The following SORCS3 variants were observed in gnomAD, a reference collection of about 807,000 sequenced individuals.
SORCS3 encodes the protein sortilin related VPS10 domain containing receptor 3.
SORCS3 carries 57 observed loss-of-function variants against 146.3 expected under a neutral mutation model. That is an observed-to-expected ratio of 0.39 (90% CI 0.31 to 0.49). The LOEUF (loss-of-function observed/expected upper bound fraction) is 0.49. SORCS3 is among the 20% of genes least tolerant of loss of function. The probability of loss-of-function intolerance (pLI) is 0.92; values close to 1 mark genes in which losing one functional copy is unlikely to be tolerated. For missense variants in SORCS3, 1,341 were observed against 1,575.5 expected, an observed-to-expected ratio of 0.85 and a Z score of 2.52; for synonymous variants, 653 against 618.5, an observed-to-expected ratio of 1.06 and a Z score of -0.83.
At chr10:104,963,091 T>G (rs2054805512) in intron 3 of SORCS3, among the ~76,000 whole-genome samples, 1 of 152,246 alleles carries the variant, frequency 6.6e-6, no homozygotes, top group African/African-American at 2.4e-5. Context: ...TCATTATTTC[T>G]AATTTTGTAT....
At chr10:104,757,840 G>A (rs909934313) in intron 1 of SORCS3, among the ~76,000 whole-genome samples, 2 of 134,140 alleles carry the variant, frequency 1.5e-5, no homozygotes, top group African/African-American at 2.8e-5. Flanking sequence ...CTCTACTTGC[G>A]GTTCCCCACT....
intron 5 of SORCS3, among the ~76,000 whole-genome samples, chr10:105,065,883 G>A (rs1355946115): frequency 6.6e-6 from 1 of 152,146 alleles, no homozygotes; most frequent in African/African-American, 2.4e-5. Context: ...CCATCAAATT[G>A]CTCAAAAGCT....
In SORCS3 at chr10:105,214,424, A is replaced by T. The variant is rs771363261; in HGVS notation, c.2376-18A>T. Reference sequence around the variant, plus strand: ...ACACAATCAACACAAACCACTATCAATTGTCAATTCTACTTAGGTATCGGC... The same window carrying T: ...ACACAATCAACACAAACCACTATCATTTGTCAATTCTACTTAGGTATCGGC... On this transcript the variant is annotated intron_variant, in intron 17 of 26. Transcript: ENST00000369701. 1 of 1,613,808 alleles carries T rather than the reference A, an allele frequency of 6.2e-7. No homozygotes were observed. The highest frequency in any genetic ancestry group is 8.5e-7 in the Non-Finnish European group (1 of 1,179,776).
intron 1 of SORCS3, among the ~76,000 whole-genome samples, chr10:104,780,800 T>C (rs1589496712): frequency 1.3e-5 from 2 of 152,222 alleles, no homozygotes; most frequent in Non-Finnish European, 2.9e-5. Flanking sequence ...TTGTTTAGTG[T>C]CTGCCAGATG....
intron 1 of SORCS3, among the ~76,000 whole-genome samples, chr10:104,690,304 A>G (rs1387214210): frequency 6.6e-6 from 1 of 152,162 alleles, no homozygotes; most frequent in Admixed American, 6.5e-5. Flanking sequence ...TCAGTAACCC[A>G]TATTCTGCTG....
chr10:104,972,655 A>C (rs1338492570), intron 3 of SORCS3, among the ~76,000 whole-genome samples: 1 of 151,528 alleles, frequency 6.6e-6, no homozygotes, highest in Non-Finnish European at 1.5e-5. Flanking sequence ...AGAGAGAGAC[A>C]GAGAGAGAGA....
chr10:105,089,744 C>T (rs2055688393), intron 5 of SORCS3, 31 bp from the exon 6 acceptor site: 1 of 1,602,370 alleles, frequency 6.2e-7, no homozygotes, highest in South Asian at 1.1e-5. Flanking sequence ...GGTGTTGTCA[C>T]TGAGCTTCTG....
chr10:104,706,201 CTTTTTTTTTTTTTTTT>C (rs1162969172), intron 1 of SORCS3, among the ~76,000 whole-genome samples: 1 of 85,874 alleles, frequency 1.2e-5, no homozygotes, highest in Non-Finnish European at 2.1e-5. Flanking sequence ...TTTTCTTCTT[CTTTTTTTTTTTTTTTT>C]TTTTTTTTTG....
intron 1 of SORCS3, among the ~76,000 whole-genome samples, chr10:104,667,589 T>C (rs911830707): frequency 6.6e-6 from 1 of 152,188 alleles, no homozygotes; most frequent in Non-Finnish European, 1.5e-5. Flanking sequence ...TTTTCACAGT[T>C]AAAAAATATT....
chr10:104,676,977 T>C (rs934435051), intron 1 of SORCS3, among the ~76,000 whole-genome samples: 1 of 152,244 alleles, frequency 6.6e-6, no homozygotes, highest in African/African-American at 2.4e-5. Context: ...CATTACATAA[T>C]GCCAGTTCAC....
intron 13 of SORCS3, among the ~76,000 whole-genome samples, chr10:105,177,673 C>T (rs368000717): frequency 6.6e-6 from 1 of 152,052 alleles, no homozygotes; most frequent in African/African-American, 2.4e-5. Flanking sequence ...AGACAAACCC[C>T]CTCCCTTTCC....
chr10:105,054,905 C>T (rs937335683), intron 5 of SORCS3, among the ~76,000 whole-genome samples: 2 of 152,098 alleles, frequency 1.3e-5, no homozygotes, highest in Non-Finnish European at 2.9e-5. Flanking sequence ...GCTTATTTTA[C>T]TTATTGATTC....
chr10:104,703,062 A>G (rs2016299074), intron 1 of SORCS3, among the ~76,000 whole-genome samples: 1 of 152,254 alleles, frequency 6.6e-6, no homozygotes. Context: ...TCGATTGATT[A>G]TACAAGAAGT....
intron 1 of SORCS3, among the ~76,000 whole-genome samples, chr10:104,842,167 T>TC (rs2018148772): frequency 6.6e-6 from 1 of 152,204 alleles, no homozygotes; most frequent in Non-Finnish European, 1.5e-5. Context: ...AAGAAAGTGG[T>TC]CATGGAGTCC....
intron 3 of SORCS3, among the ~76,000 whole-genome samples, chr10:104,920,164 T>G (rs2019073163): frequency 1.3e-5 from 2 of 152,240 alleles, no homozygotes; most frequent in Admixed American, 1.3e-4. Flanking sequence ...CGTGGATTTT[T>G]GAGTTCATCT....
chr10:104,779,392 C>T (rs994452703), intron 1 of SORCS3, among the ~76,000 whole-genome samples: 1 of 152,158 alleles, frequency 6.6e-6, no homozygotes, highest in South Asian at 2.1e-4. Flanking sequence ...GGAAGTTGGA[C>T]ACCTACCACC....
In SORCS3 at chr10:105,043,105, C is replaced by T. The variant is rs765051085; in HGVS notation, c.1005C>T (p.Arg335=). The change falls in exon 5 of 27, where the codon CGC becomes CGT. Residue 335 remains arginine (R), a synonymous_variant. Transcript: ENST00000369701. ...GACGGTGGCAACTCATGCATGAACG[C>T]ATCACACCCAACAGGTTTTATTGGT... ...FGRRWQLMHE[R]ITPNRFYWSV... The T allele has an allele frequency of 6.2e-7, 1 of 1,613,802 alleles. No homozygotes were observed.
At chr10:104,883,886 G>A (rs1211729087) in intron 2 of SORCS3, among the ~76,000 whole-genome samples, 1 of 151,834 alleles carries the variant, frequency 6.6e-6, no homozygotes, top group Non-Finnish European at 1.5e-5. Flanking sequence ...TCACTCCAAT[G>A]TGGTGACTCC....
intron 4 of SORCS3, among the ~76,000 whole-genome samples, chr10:105,005,806 C>T (rs2055091691): frequency 6.6e-6 from 1 of 152,150 alleles, no homozygotes; most frequent in Non-Finnish European, 1.5e-5. Context: ...CCCCTAAATG[C>T]CAGACTTGTT....
Sources: allele counts gnomAD v4.1 joint callset (sites outside exome capture counted in the v4.1 genomes callset), GRCh38; gene constraint gnomAD v4.1.1; transcripts MANE v1.5; gene names NCBI Gene and HGNC (gene_info 2026-07-23, HGNC 2026-07-21).